The following SLC39A11 variants were observed in gnomAD, a reference collection of about 807,000 sequenced individuals.
SLC39A11 encodes the protein zinc transporter ZIP11.
A neutral mutation model predicts 36.1 loss-of-function variants in SLC39A11; 33 were observed. The ratio of observed to expected loss-of-function variants is 0.91; its 90% confidence interval spans 0.69 to 1.22. SLC39A11 has a LOEUF of 1.22. SLC39A11 is among the 50% of genes most tolerant of loss of function. The pLI is 0.00. For synonymous variants in SLC39A11, 166 were observed against 170.3 expected (o/e 0.97, Z 0.20); for missense variants, 432 against 430.3 (o/e 1.00, Z -0.03).
At chr17:72,731,660 C>T (rs1567998783) in intron 7 of SLC39A11, among the ~76,000 whole-genome samples, 1 of 152,102 alleles carries the variant, frequency 6.6e-6, no homozygotes, top group Non-Finnish European at 1.5e-5. Flanking sequence ...TAGCATCTCA[C>T]TTTGGATGGA....
At chr17:72,730,759 A>G (rs1453745720) in intron 7 of SLC39A11, among the ~76,000 whole-genome samples, 1 of 152,196 alleles carries the variant, frequency 6.6e-6, no homozygotes, top group African/African-American at 2.4e-5. Flanking sequence ...TCTCAGGCTC[A>G]AGTGATCCTC....
chr17:72,894,112 A>T (rs2081904495), intron 5 of SLC39A11, among the ~76,000 whole-genome samples: 1 of 152,146 alleles, frequency 6.6e-6, no homozygotes, highest in Non-Finnish European at 1.5e-5. Flanking sequence ...CTGTAATCCC[A>T]GCACTTTGGG....
At chr17:72,711,161 G>A (rs1307795635) in intron 7 of SLC39A11, among the ~76,000 whole-genome samples, 1 of 152,122 alleles carries the variant, frequency 6.6e-6, no homozygotes, top group African/African-American at 2.4e-5. Flanking sequence ...GGTTGCCTAA[G>A]GCAGGCTCTG....
At chr17:73,001,497 G>A (rs1256838693) in intron 4 of SLC39A11, among the ~76,000 whole-genome samples, 1 of 151,162 alleles carries the variant, frequency 6.6e-6, no homozygotes, top group East Asian at 1.9e-4. Flanking sequence ...ACACCAGCAT[G>A]GCACATGTAT....
chr17:73,055,807 A>G (rs560481963), intron 3 of SLC39A11, among the ~76,000 whole-genome samples: 58 of 152,246 alleles, frequency 3.8e-4, no homozygotes, highest in African/African-American at 1.3e-3. Context: ...ATAGGCAGCC[A>G]GCTGGTTCAA....
chr17:73,079,680 C>T (rs1317007075), intron 3 of SLC39A11, among the ~76,000 whole-genome samples: 1 of 152,062 alleles, frequency 6.6e-6, no homozygotes, highest in African/African-American at 2.4e-5. Flanking sequence ...AAAGGGCATC[C>T]AAATCAGTAA....
intron 6 of SLC39A11, among the ~76,000 whole-genome samples, chr17:72,830,531 C>CAA (rs1190118545): frequency 3.3e-5 from 5 of 152,130 alleles, no homozygotes; most frequent in Non-Finnish European, 7.4e-5. Flanking sequence ...GCAACCTGAA[C>CAA]AAAAACAAGG....
At chr17:72,870,476 T>C (rs2080551997) in intron 5 of SLC39A11, among the ~76,000 whole-genome samples, 1 of 152,256 alleles carries the variant, frequency 6.6e-6, no homozygotes, top group Admixed American at 6.5e-5. Context: ...CCTGCGGCAA[T>C]GTGTTCATTT....
intron 6 of SLC39A11, chr17:72,818,897 C>T (rs761255796): frequency 7.2e-5 from 11 of 152,166 alleles, no homozygotes; most frequent in Non-Finnish European, 1.5e-4. Flanking sequence ...AAAGCTACTA[C>T]ATTCTACATG....
intron 7 of SLC39A11, among the ~76,000 whole-genome samples, chr17:72,705,318 G>A (rs2072844368): frequency 6.6e-6 from 1 of 152,192 alleles, no homozygotes. Context: ...TCTTAAAGGA[G>A]AATGTAAACT....
intron 4 of SLC39A11, among the ~76,000 whole-genome samples, chr17:72,985,208 G>A (rs2088630604): frequency 2.0e-5 from 3 of 152,158 alleles, no homozygotes. Context: ...ATACAGGGGG[G>A]AAAGGACAGA....
At chr17:72,868,579 C>T (rs1429035149) in intron 5 of SLC39A11, among the ~76,000 whole-genome samples, 1 of 112,426 alleles carries the variant, frequency 8.9e-6, no homozygotes, top group Non-Finnish European at 1.6e-5. Flanking sequence ...ACCAGTAGTT[C>T]AAGACCAGCC....
At chr17:72,780,882 G>T (rs192748129) in intron 6 of SLC39A11, among the ~76,000 whole-genome samples, 1 of 152,308 alleles carries the variant, frequency 6.6e-6, no homozygotes, top group East Asian at 1.9e-4. Flanking sequence ...AGCTACTTGG[G>T]CGGCTGAAGC....
At chr17:72,819,042 G>A (rs1335328524) in intron 6 of SLC39A11, 3 of 151,996 alleles carry the variant, frequency 2.0e-5, no homozygotes, top group Non-Finnish European at 4.4e-5. Context: ...CTGGATGGAG[G>A]GGTGTCATAA....
chr17:73,039,201 C>G (rs1196421895), intron 3 of SLC39A11, among the ~76,000 whole-genome samples: 2 of 152,122 alleles, frequency 1.3e-5, no homozygotes, highest in African/African-American at 4.8e-5. Flanking sequence ...CAACCCGATT[C>G]CCAGCAGGAA....
chr17:72,959,321 G>GTA (rs2086448469), intron 4 of SLC39A11, among the ~76,000 whole-genome samples: 6 of 46,128 alleles, frequency 1.3e-4, no homozygotes, highest in African/African-American at 1.7e-4. Flanking sequence ...ATGTGTGTGT[G>GTA]TGTGTATATA....
At chr17:73,028,292 G>T (rs971806034) in intron 4 of SLC39A11, among the ~76,000 whole-genome samples, 1 of 152,094 alleles carries the variant, frequency 6.6e-6, no homozygotes, top group Non-Finnish European at 1.5e-5. Flanking sequence ...GTGCTCAGTC[G>T]ATGTTGGCCA....
intron 5 of SLC39A11, among the ~76,000 whole-genome samples, chr17:72,926,866 A>C (rs2084079620): frequency 6.6e-6 from 1 of 152,042 alleles, no homozygotes; most frequent in African/African-American, 2.4e-5. Flanking sequence ...ACACCTGGGG[A>C]TCAAGCTGAG....
intron 7 of SLC39A11, among the ~76,000 whole-genome samples, chr17:72,670,160 T>TACACACACACACAC (rs202032502): frequency 1.9e-5 from 2 of 104,670 alleles, no homozygotes; most frequent in Non-Finnish European, 4.2e-5. Flanking sequence ...ACATTTTATA[T>TACACACACACACAC]ACACACACAC....
Sources: gnomAD v4.1 joint callset for allele counts (sites outside exome capture counted in the v4.1 genomes callset) on GRCh38, gnomAD v4.1.1 for gene constraint, MANE v1.5 for transcripts, NCBI Gene and HGNC (gene_info 2026-07-23, HGNC 2026-07-21) for gene names.